The following ZFHX3 variants were observed in gnomAD, a reference collection of about 807,000 sequenced individuals.
ZFHX3 encodes the protein zinc finger homeobox 3, also known as zinc finger homeobox protein 3.
A neutral mutation model predicts 279.1 loss-of-function variants in ZFHX3; 42 were observed. The ratio of observed to expected loss-of-function variants is 0.15; its 90% CI spans 0.12 to 0.19. ZFHX3 has a LOEUF of 0.19. Ranked by LOEUF, ZFHX3 falls within the 10% of genes least tolerant of loss-of-function variation. ZFHX3 has a pLI of 1.00. For missense variants in ZFHX3, 4,981 were observed against 4,754.0 expected (o/e 1.05, Z -1.40); for synonymous variants, 2,293 against 1,957.8 (o/e 1.17, Z -4.52).
At chr16:73,850,182 C>T (rs1397709631) in intron 1 of ZFHX3, among the ~76,000 whole-genome samples, 2 of 152,186 alleles carry the variant, frequency 1.3e-5, no homozygotes, top group Non-Finnish European at 2.9e-5. Context: ...GGTAGAGCAA[C>T]ATACTTTAGA....
At chr16:73,756,599 A>G (rs2053811493) in intron 1 of ZFHX3, among the ~76,000 whole-genome samples, 1 of 152,068 alleles carries the variant, frequency 6.6e-6, no homozygotes. Context: ...ACCAGGTGCA[A>G]CCCCTCGGCT....
intron 4 of ZFHX3, among the ~76,000 whole-genome samples, chr16:72,853,587 G>A (rs751000695): frequency 6.6e-6 from 1 of 152,172 alleles, no homozygotes; most frequent in Non-Finnish European, 1.5e-5. Flanking sequence ...TTTAAGCAGA[G>A]TTTACTTTTA....
At chr16:73,035,957 C>T (rs539042856) in intron 1 of ZFHX3, among the ~76,000 whole-genome samples, 20 of 152,330 alleles carry the variant, frequency 1.3e-4, no homozygotes, top group Non-Finnish European at 2.4e-4. Flanking sequence ...GGACTACCCA[C>T]GAGGCTTGTC....
At chr16:73,011,856 C>G (rs1963931105) in intron 1 of ZFHX3, among the ~76,000 whole-genome samples, 1 of 151,766 alleles carries the variant, frequency 6.6e-6, no homozygotes, top group African/African-American at 2.4e-5. Context: ...GGTGGGATAC[C>G]TTTTTTTATC....
intron 3 of ZFHX3, among the ~76,000 whole-genome samples, chr16:73,324,332 G>A (rs1254122518): frequency 6.6e-6 from 1 of 152,158 alleles, no homozygotes; most frequent in Admixed American, 6.5e-5. Flanking sequence ...GTTTTCTGCT[G>A]TAGGCTCATT....
At chr16:73,755,392 T>A (rs544161979) in intron 1 of ZFHX3, among the ~76,000 whole-genome samples, 52 of 152,328 alleles carry the variant, frequency 3.4e-4, no homozygotes, top group African/African-American at 1.2e-3. Flanking sequence ...AGAAACTCTA[T>A]AATCTATCCT....
At chr16:73,349,019 G>C (rs2016173143) in intron 3 of ZFHX3, among the ~76,000 whole-genome samples, 1 of 152,208 alleles carries the variant, frequency 6.6e-6, no homozygotes, top group African/African-American at 2.4e-5. Context: ...GGGGTCCACA[G>C]GAACTTGTGT....
intron 3 of ZFHX3, among the ~76,000 whole-genome samples, chr16:73,396,769 G>C (rs1313813364): frequency 6.6e-6 from 1 of 152,178 alleles, no homozygotes; most frequent in Non-Finnish European, 1.5e-5. Flanking sequence ...TCGACATGTA[G>C]GGGTTACAAT....
At chr16:73,054,411 G>C (rs1321122113) in intron 1 of ZFHX3, among the ~76,000 whole-genome samples, 2 of 93,418 alleles carry the variant, frequency 2.1e-5, no homozygotes, top group Non-Finnish European at 4.1e-5. Flanking sequence ...CCTCCATCCC[G>C]ATACAGGAGG....
At chr16:73,722,641 G>A (rs2053484429) in intron 1 of ZFHX3, among the ~76,000 whole-genome samples, 1 of 151,986 alleles carries the variant, frequency 6.6e-6, no homozygotes, top group Non-Finnish European at 1.5e-5. Context: ...AAATTGTAAA[G>A]GTGAGCTATT....
chr16:73,248,092 G>A (rs142046274), intron 5 of ZFHX3, among the ~76,000 whole-genome samples: 135 of 151,844 alleles, frequency 8.9e-4, no homozygotes, highest in African/African-American at 3.1e-3. Context: ...ATGTGTGTGT[G>A]TATATGTGCC....
chr16:73,467,407 T>C (rs546832844), intron 2 of ZFHX3, among the ~76,000 whole-genome samples: 1 of 152,304 alleles, frequency 6.6e-6, no homozygotes, highest in African/African-American at 2.4e-5. Flanking sequence ...CTGCTCTCCT[T>C]ACTTGCAGGG....
intron 7 of ZFHX3, among the ~76,000 whole-genome samples, chr16:73,095,314 A>T (rs1172895765): frequency 1.3e-5 from 2 of 152,162 alleles, no homozygotes; most frequent in Admixed American, 1.3e-4. Flanking sequence ...CCAGTCTGGC[A>T]TAAGAATCCC....
At position 73,367,933 on chromosome 16, in the gene ZFHX3, G is replaced by C. The variant is rs1452038048; in HGVS notation, c.-1290-49597C>G. 2.0e-5 allele frequency among the ~76,000 whole-genome samples: 3 copies of C among 148,492 alleles called. No individual in the cohort carries two copies. The Admixed American group carries it at 2.0e-4, about 10-fold the overall frequency. On this transcript the variant is annotated intron_variant, in intron 3 of 17. Coordinates refer to the ZFHX3 transcript ENST00000641206. ...TCTCAGGCTGGAGTGCAGTGGCATG[G>C]TCTCAGCTCACTGCAACCTCCACCT...
At chr16:73,494,126 G>A (rs1241210441) in intron 2 of ZFHX3, among the ~76,000 whole-genome samples, 1 of 152,158 alleles carries the variant, frequency 6.6e-6, no homozygotes, top group African/African-American at 2.4e-5. Flanking sequence ...TGGCACGACT[G>A]CAAGTGTACT....
Position 72,921,691 on chromosome 16 carries a change from T to A in ZFHX3, c.3216+28778A>T, listed in dbSNP as rs182007793. Among the ~76,000 whole-genome samples the A allele has an allele frequency of 4.0e-5, 6 of 151,490 alleles. No homozygotes were observed. In the East Asian group the frequency reaches 1.2e-3, roughly 29 times the overall value. ...GCATGTACAGAAGGGGATCGAGGAG[T>A]CTGGAGAGAAAGGACGGGGCAGAGA... On this transcript the variant is annotated intron_variant, in intron 3 of 9. Coordinates refer to ENST00000268489, the MANE Select transcript of ZFHX3 (RefSeq NM_006885.4).
At chr16:73,413,814 C>T (rs183581503) in intron 3 of ZFHX3, among the ~76,000 whole-genome samples, 70 of 152,306 alleles carry the variant, frequency 4.6e-4, no homozygotes, top group African/African-American at 1.7e-3. Context: ...AGGTCAAAGA[C>T]TGGAGAAACC....
In ZFHX3 at chr16:73,387,063, A is replaced by G. The variant is rs902499877; in HGVS notation, c.-1290-68727T>C. 28 of 152,208 alleles carry G rather than the reference A, an allele frequency of 1.8e-4. 1 individual carries two copies. Among genetic ancestry groups the G allele is most frequent in the Non-Finnish European group, 2.9e-5 (2 of 68,040 alleles). 9.4% of individuals were successfully genotyped at this position (152,208 alleles called of 1,614,324 possible). On this transcript the variant is annotated intron_variant, in intron 3 of 17. Transcript: ENST00000641206. ...CCATCTTGCTTAACTGACAAACTAG[A>G]GAGAACTGCAAGGACTCAGTACATC...
At chr16:72,924,001 G>A (rs958497189) in intron 3 of ZFHX3, among the ~76,000 whole-genome samples, 12 of 152,168 alleles carry the variant, frequency 7.9e-5, no homozygotes, top group Admixed American at 3.3e-4. Context: ...TGGGTTAGCC[G>A]TCGGCTGTAA....
Sources: gnomAD v4.1 joint callset for allele counts (sites outside exome capture counted in the v4.1 genomes callset) on GRCh38, gnomAD v4.1.1 for gene constraint, MANE v1.5 for transcripts, NCBI Gene and HGNC (gene_info 2026-07-23, HGNC 2026-07-21) for gene names.